Variants in MIPEP observed in about 807,000 individuals in gnomAD.
MIPEP encodes the protein mitochondrial intermediate peptidase.
MIPEP carries 79 observed loss-of-function variants against 90.3 expected under a neutral mutation model. The ratio of observed to expected loss-of-function variants is 0.87; its 90% CI spans 0.73 to 1.05. The LOEUF is 1.05. Among genes scored for constraint, MIPEP ranks in the 50% least tolerant of loss-of-function variants. The pLI is 0.00. For missense variants in MIPEP, 940 were observed against 905.6 expected (o/e 1.04, Z -0.49); for synonymous variants, 334 against 315.8 (o/e 1.06, Z -0.61).
At chr13:23,805,800 G>T in intron 16 of MIPEP, 150 bp downstream of exon 16, 1 of 782,124 alleles carries the variant, frequency 1.3e-6, no homozygotes, top group East Asian at 2.7e-5. Context: ...AATATTAAAT[G>T]AACCAGGCAA....
At chr13:23,832,665 T>C (rs1023286097) in intron 14 of MIPEP, among the ~76,000 whole-genome samples, 1 of 152,162 alleles carries the variant, frequency 6.6e-6, no homozygotes, top group East Asian at 1.9e-4. Context: ...TCTGGGTCCT[T>C]AGGCACCACA....
intron 14 of MIPEP, among the ~76,000 whole-genome samples, chr13:23,822,601 AG>A (rs1953319561): frequency 6.6e-6 from 1 of 152,196 alleles, no homozygotes; most frequent in African/African-American, 2.4e-5. Flanking sequence ...AAAGGACACT[AG>A]GGAGTGGGGG....
chr13:23,842,967 G>A (rs1241126426), intron 10 of MIPEP, among the ~76,000 whole-genome samples: 8 of 151,892 alleles, frequency 5.3e-5, no homozygotes, highest in Middle Eastern at 3.4e-3. Flanking sequence ...GTGTGGTGGC[G>A]GGTGCCTGTA....
At chr13:23,800,636 A>G (rs1042147627) in intron 16 of MIPEP, among the ~76,000 whole-genome samples, 3 of 152,230 alleles carry the variant, frequency 2.0e-5, no homozygotes, top group Admixed American at 6.5e-5. Flanking sequence ...ATATCAATAA[A>G]TTGCCGACAC....
At chr13:23,825,180 C>G (rs1266039048) in intron 14 of MIPEP, among the ~76,000 whole-genome samples, 1 of 152,154 alleles carries the variant, frequency 6.6e-6, no homozygotes, top group Non-Finnish European at 1.5e-5. Flanking sequence ...GGGCCGGGCT[C>G]AGATCCATCT....
chr13:23,774,752 C>A (rs1371668065), intron 16 of MIPEP, among the ~76,000 whole-genome samples: 1 of 149,836 alleles, frequency 6.7e-6, no homozygotes, highest in Non-Finnish European at 1.5e-5. Context: ...TGATCTCATA[C>A]CATGCAACCC....
At chr13:23,792,216 C>T (rs1254748672) in intron 16 of MIPEP, among the ~76,000 whole-genome samples, 1 of 152,202 alleles carries the variant, frequency 6.6e-6, no homozygotes, top group Non-Finnish European at 1.5e-5. Flanking sequence ...CTTTTTGATA[C>T]AATCTGTGTG....
chr13:23,824,959 A>T (rs1953348864), intron 14 of MIPEP, among the ~76,000 whole-genome samples: 1 of 152,172 alleles, frequency 6.6e-6, no homozygotes, highest in South Asian at 2.1e-4. Context: ...TGTGATAGGG[A>T]TCCAACTTCC....
At chr13:23,814,694 C>T (rs575128569) in intron 14 of MIPEP, among the ~76,000 whole-genome samples, 10 of 152,286 alleles carry the variant, frequency 6.6e-5, no homozygotes, top group African/African-American at 2.4e-4. Flanking sequence ...TCTTTTGGGC[C>T]TTTCAGGCTG....
At position 23,826,339 on chromosome 13, in the gene MIPEP, T is replaced by TA. The variant is rs529931186; in HGVS notation, c.1653+9900dup. 1.6e-3 allele frequency among the ~76,000 whole-genome samples: 247 copies of TA among 152,260 alleles called. 2 individuals carry two copies. The highest frequency in any genetic ancestry group is 6.8e-3 in the Middle Eastern group (2 of 294). On this transcript the variant is annotated intron_variant, in intron 14 of 18. Coordinates refer to ENST00000382172, the MANE Select transcript of MIPEP (RefSeq NM_005932.4). Reference sequence around the variant, plus strand: ...TTAAAAGGTTGACTTACCAGACTAGTATGAAACCGCAGACCCAACAATTAT... The same window carrying TA: ...TTAAAAGGTTGACTTACCAGACTAGTAATGAAACCGCAGACCCAACAATTAT...
chr13:23,862,246 T>A (rs1177318858), intron 9 of MIPEP, 56 bp downstream of exon 9: 1 of 1,055,238 alleles, frequency 9.5e-7, no homozygotes, highest in Admixed American at 2.2e-5. Flanking sequence ...TCAAAAGATA[T>A]TGATTTCAGT....
chr13:23,809,871 A>C lies in MIPEP; in HGVS notation c.1707T>G (p.Ala569=), dbSNP rs1368104437. The change falls in exon 15 of 19, where the codon GCT becomes GCG. Residue 569 remains alanine (A), a synonymous_variant. Transcript: ENST00000382172. ...ATACCTGAAGTTGCATATCAGCTGC[A>C]GCACAAACCTTTTTAGATTCACAAA... ...SRLCESKKVC[A]AADMQLQVFY... 6.2e-7 allele frequency: 1 copy of C among 1,613,480 alleles called. No homozygotes were observed. The highest frequency in any genetic ancestry group is 1.3e-5 in the African/African-American group (1 of 75,060).
intron 16 of MIPEP, among the ~76,000 whole-genome samples, chr13:23,765,460 C>A (rs1301212452): frequency 1.3e-5 from 2 of 152,130 alleles, no homozygotes; most frequent in Non-Finnish European, 2.9e-5. Context: ...ATAAATGTCA[C>A]TTTATCATAG....
rs998881103 is a variant in MIPEP at position 23,774,236 on chromosome 13, T to C, written c.1849-14019A>G. Among the ~76,000 whole-genome samples, 13 of 152,178 alleles carry C rather than the reference T, an allele frequency of 8.5e-5. No individual in the cohort carries two copies. In the East Asian group the frequency reaches 2.1e-3, roughly 25 times the overall value. Reference sequence around the variant, plus strand: ...AACATAAATGTATGGCTTTTTTTTTTCTGGAATCTCAGTTGTATTCCATTG... The same window carrying C: ...AACATAAATGTATGGCTTTTTTTTTCCTGGAATCTCAGTTGTATTCCATTG... On this transcript the variant is annotated intron_variant, in intron 16 of 18. Transcript: ENST00000382172.
chr13:23,850,125 G>T (rs1467139592), intron 10 of MIPEP, among the ~76,000 whole-genome samples: 1 of 152,132 alleles, frequency 6.6e-6, no homozygotes, highest in Non-Finnish European at 1.5e-5. Context: ...TGTGGGCGAG[G>T]AAAAAATGGA....
At chr13:23,799,398 G>A (rs535555078) in intron 16 of MIPEP, among the ~76,000 whole-genome samples, 62 of 152,116 alleles carry the variant, frequency 4.1e-4, no homozygotes, top group Middle Eastern at 3.4e-3. Flanking sequence ...TGCGATGTGG[G>A]CTCACTGCAA....
At chr13:23,740,647 T>C (rs1952317097) in intron 18 of MIPEP, among the ~76,000 whole-genome samples, 1 of 152,230 alleles carries the variant, frequency 6.6e-6, no homozygotes, top group Admixed American at 6.5e-5. Context: ...ACTTAAATGA[T>C]TCTGTCTTTC....
At chr13:23,846,628 T>C (rs1869553179) in intron 10 of MIPEP, among the ~76,000 whole-genome samples, 1 of 152,226 alleles carries the variant, frequency 6.6e-6, no homozygotes, top group African/African-American at 2.4e-5. Context: ...ATAGTTTAAA[T>C]AATTTTGTGC....
intron 18 of MIPEP, 68 bp from the exon 19 acceptor site, chr13:23,730,513 C>A (rs1401789560): frequency 2.1e-6 from 2 of 960,272 alleles, no homozygotes; most frequent in South Asian, 2.7e-5. Flanking sequence ...GACACAAAAT[C>A]AAATCCACAC....
Sources: gnomAD v4.1 joint callset for allele counts (sites outside exome capture counted in the v4.1 genomes callset) on GRCh38, gnomAD v4.1.1 for gene constraint, MANE v1.5 for transcripts, NCBI Gene and HGNC (gene_info 2026-07-23, HGNC 2026-07-21) for gene names.